Variants in ADCY9 observed in about 807,000 individuals in gnomAD.
ADCY9 encodes adenylate cyclase 9.
Under a neutral mutation model 101.5 loss-of-function variants are expected in ADCY9, and 50 were observed. The ratio of observed to expected loss-of-function variants is 0.49; its 90% CI spans 0.39 to 0.62. The LOEUF (loss-of-function observed/expected upper bound fraction) is 0.62. Ranked by LOEUF, ADCY9 falls within the 20% of genes least tolerant of loss-of-function variation. The pLI is 0.00. For missense variants in ADCY9, 1,662 were observed against 1,800.4 expected, an observed-to-expected ratio of 0.92 and a Z score of 1.39; for synonymous variants, 905 against 769.3, an observed-to-expected ratio of 1.18 and a Z score of -2.92.
In ADCY9 at chr16:4,115,922, T is replaced by C; in HGVS notation, c.-276A>G. On this transcript the variant is annotated 5_prime_UTR_variant, in exon 1 of 11. It removes an upstream start codon present in the reference 5' UTR. Transcript: ENST00000294016. The surrounding 1 kb of genome is among the most constrained non-coding windows in gnomAD (Gnocchi z 6.2). ...TCCGCTGGCGGCGCGGAGCCCTCCA[T>C]CCTGCAGGAGCCGCGCTCCGATGCG... 1 of 387,682 alleles carries C rather than the reference T, an allele frequency of 2.6e-6. No homozygotes were observed. The allele number at this position is 387,682 out of a possible 1,614,324, so 24.0% of individuals were successfully genotyped here.
rs183009434 is a variant in ADCY9 at position 3,977,889 on chromosome 16, G to A, written c.2680-259C>T. On this transcript the variant is annotated intron_variant, in intron 8 of 10. Coordinates refer to ENST00000294016, the MANE Select transcript of ADCY9 (RefSeq NM_001116.4). ...CCGGCACCACACCTCGCTAATTTTT[G>A]TATTTTTAGTAAAGACTGGGTTTCA... 1.5e-3 allele frequency among the ~76,000 whole-genome samples: 234 copies of A among 152,180 alleles called. 1 individual carries two copies. Among genetic ancestry groups the A allele is most frequent in the African/African-American group, 5.5e-3 (227 of 41,524 alleles).
chr16:4,072,990 A>C (rs2056843923), intron 2 of ADCY9, among the ~76,000 whole-genome samples: 1 of 82,928 alleles, frequency 1.2e-5, no homozygotes, highest in Non-Finnish European at 2.8e-5. Context: ...TTCATATCCT[A>C]AAAGAAAAAA....
chr16:4,073,368 T>C (rs1422118432), intron 2 of ADCY9, among the ~76,000 whole-genome samples: 2 of 151,420 alleles, frequency 1.3e-5, no homozygotes, highest in Non-Finnish European at 2.9e-5. Context: ...ATTACAAGCA[T>C]GAGTCACCGC....
At chr16:4,016,692 A>G (rs2056440863) in intron 2 of ADCY9, among the ~76,000 whole-genome samples, 1 of 152,220 alleles carries the variant, frequency 6.6e-6, no homozygotes, top group Non-Finnish European at 1.5e-5. Flanking sequence ...AATGGAAATA[A>G]AGCTGTATGA....
intron 5 of ADCY9, among the ~76,000 whole-genome samples, chr16:3,991,436 T>G (rs1277322014): frequency 6.6e-6 from 1 of 152,008 alleles, no homozygotes; most frequent in African/African-American, 2.4e-5. Flanking sequence ...TCAGGAATAT[T>G]TGATAAAAGG....
At chr16:4,102,220 T>G (rs753347584) in intron 2 of ADCY9, among the ~76,000 whole-genome samples, 1 of 152,106 alleles carries the variant, frequency 6.6e-6, no homozygotes, top group African/African-American at 2.4e-5. Context: ...CAGTTGATTC[T>G]CCCAACGACC....
In ADCY9 at chr16:4,076,831, C is replaced by G. The variant is rs1215171779; in HGVS notation, c.1693+36919G>C. On this transcript the variant is annotated intron_variant, in intron 2 of 10. Transcript: ENST00000294016. ...GTGGCTCACGCCTGTAATCCCAGCA[C>G]TTTGGGAGGCCAAGGGAGGAGGATC... Among the ~76,000 whole-genome samples the G allele has an allele frequency of 2.0e-5, 3 of 152,124 alleles. 1 individual carries two copies. The highest frequency in any genetic ancestry group is 4.4e-5 in the Non-Finnish European group (3 of 68,026).
At chr16:4,070,412 AAAT>A (rs1326706230) in intron 2 of ADCY9, among the ~76,000 whole-genome samples, 1 of 152,206 alleles carries the variant, frequency 6.6e-6, no homozygotes, top group Non-Finnish European at 1.5e-5. Flanking sequence ...TGAAAGTTTC[AAAT>A]AATATTATGT....
At chr16:4,035,459 G>A (rs1476624412) in intron 2 of ADCY9, among the ~76,000 whole-genome samples, 1 of 152,140 alleles carries the variant, frequency 6.6e-6, no homozygotes, top group East Asian at 1.9e-4. Context: ...CATACAGAGT[G>A]ATTATGGGTG....
intron 2 of ADCY9, among the ~76,000 whole-genome samples, chr16:4,010,827 G>A (rs777395255): frequency 9.9e-5 from 15 of 152,274 alleles, no homozygotes; most frequent in Admixed American, 1.3e-4. Context: ...AAGAGGTGAC[G>A]AGGCCAGGAG....
chr16:4,019,735 A>C (rs1045971384), intron 2 of ADCY9, among the ~76,000 whole-genome samples: 23 of 152,224 alleles, frequency 1.5e-4, no homozygotes, highest in African/African-American at 5.3e-4. Context: ...GGAGGGTTCC[A>C]GACTAGTGGA....
At chr16:3,969,795 T>A (rs1444396341) in intron 10 of ADCY9, among the ~76,000 whole-genome samples, 1 of 150,694 alleles carries the variant, frequency 6.6e-6, no homozygotes, top group African/African-American at 2.4e-5. Context: ...TTTGAACTTT[T>A]TGTAGAGATG....
chr16:4,088,617 C>A (rs1482720221), intron 2 of ADCY9, among the ~76,000 whole-genome samples: 1 of 151,976 alleles, frequency 6.6e-6, no homozygotes, highest in Non-Finnish European at 1.5e-5. Flanking sequence ...TGAACAAGAT[C>A]CTGAAGCTCG....
At chr16:4,086,994 G>A (rs1357743082) in intron 2 of ADCY9, among the ~76,000 whole-genome samples, 2 of 150,538 alleles carry the variant, frequency 1.3e-5, no homozygotes, top group South Asian at 2.1e-4. Context: ...TAATCAAGGT[G>A]CTGCTCCTTC....
At chr16:3,993,316 A>C (rs2056261148) in intron 4 of ADCY9, 90 bp downstream of exon 4, 2 of 1,565,614 alleles carry the variant, frequency 1.3e-6, no homozygotes, top group Non-Finnish European at 1.7e-6. Context: ...AGTTACTCTC[A>C]GAACTAAGAA....
downstream of ADCY9, among the ~76,000 whole-genome samples, chr16:3,961,895 A>G (rs1939025185): frequency 6.6e-6 from 1 of 151,958 alleles, no homozygotes. Context: ...GTGTGGTGGT[A>G]TATGCCTGTA....
intron 2 of ADCY9, among the ~76,000 whole-genome samples, chr16:4,020,439 G>A (rs904270069): frequency 2.6e-5 from 4 of 152,120 alleles, no homozygotes; most frequent in Non-Finnish European, 5.9e-5. Context: ...AAACCAGTAA[G>A]TATTCACTGT....
rs1360102041 is a variant in ADCY9 at position 4,007,703 on chromosome 16, G to A, written c.1694-145C>T. ...GAATAGGTCATAGTTTACGACGGAC[G>A]TCCACGATCTCTCCAGAGAGATGCG... On this transcript the variant is annotated intron_variant, in intron 2 of 10. Transcript: ENST00000294016. 1.6e-4 allele frequency: 99 copies of A among 637,264 alleles called. 2 individuals carry two copies. In the East Asian group the frequency reaches 2.6e-3, roughly 16 times the overall value. 39.5% of individuals were successfully genotyped at this position (637,264 alleles called of 1,614,324 possible).
intron 2 of ADCY9, among the ~76,000 whole-genome samples, chr16:4,097,434 G>T (rs1229287316): frequency 1.6e-5 from 2 of 122,240 alleles, no homozygotes; most frequent in Non-Finnish European, 3.3e-5. Context: ...ACATAACAGG[G>T]TACTCACATG....
Sources: allele counts gnomAD v4.1 joint callset (sites outside exome capture counted in the v4.1 genomes callset), GRCh38; gene constraint gnomAD v4.1.1; non-coding constraint Gnocchi (gnomAD v3.1); transcripts MANE v1.5; gene names NCBI Gene and HGNC (gene_info 2026-07-23, HGNC 2026-07-21).